Variants in CSMD2 observed in about 807,000 individuals in gnomAD.
CSMD2 encodes CUB and Sushi multiple domains 2.
In CSMD2, 130 loss-of-function variants were observed where a neutral mutation model predicts 398.5. The observed-to-expected ratio is 0.33, with a 90% CI of 0.28 to 0.38. The LOEUF (loss-of-function observed/expected upper bound fraction) is 0.38. Among genes scored for constraint, CSMD2 ranks in the 10% least tolerant of loss-of-function variants. CSMD2 has a pLI of 1.00. For synonymous variants in CSMD2, 1,828 were observed against 1,908.5 expected, an observed-to-expected ratio of 0.96 and a Z score of 1.10; for missense variants, 3,829 against 4,764.9, an observed-to-expected ratio of 0.80 and a Z score of 5.78.
In CSMD2 at chr1:33,518,591, T is replaced by C. The variant is rs1464568383; in HGVS notation, c.*53+874A>G. Among the ~76,000 whole-genome samples, 2 of 152,156 alleles carry C rather than the reference T, an allele frequency of 1.3e-5. No individual in the cohort carries two copies. The highest frequency in any genetic ancestry group is 2.9e-5 in the Non-Finnish European group (2 of 68,038). ...GGTATCTTTTTAGATAAAATTAACT[T>C]TGAAATCAGTAGACTTTGAGTCTCC... On this transcript the variant is annotated intron_variant, in intron 70 of 70. Transcript: ENST00000373381. The surrounding 1 kb of genome is among the most constrained non-coding windows in gnomAD (Gnocchi z 4.3).
intron 3 of CSMD2, among the ~76,000 whole-genome samples, chr1:34,030,416 G>C (rs1218740728): frequency 1.3e-5 from 2 of 152,204 alleles, no homozygotes; most frequent in Non-Finnish European, 2.9e-5. Flanking sequence ...GAATGGGCAT[G>C]GCTGTGTTCC....
intron 5 of CSMD2, among the ~76,000 whole-genome samples, chr1:33,888,174 T>A (rs907662104): frequency 6.6e-6 from 1 of 152,134 alleles, no homozygotes; most frequent in Non-Finnish European, 1.5e-5. Context: ...ACTGTAAAAA[T>A]TTTAATTCTC....
intron 6 of CSMD2, among the ~76,000 whole-genome samples, chr1:33,827,010 C>G (rs1268315482): frequency 6.6e-6 from 1 of 152,180 alleles, no homozygotes; most frequent in Non-Finnish European, 1.5e-5. Context: ...TTCTCAAACC[C>G]ACACACAATC....
intron 3 of CSMD2, among the ~76,000 whole-genome samples, chr1:34,008,643 C>A (rs1199338974): frequency 1.3e-5 from 2 of 152,214 alleles, no homozygotes. Context: ...CCTAAACACA[C>A]AGATGGGCAG....
intron 11 of CSMD2, among the ~76,000 whole-genome samples, chr1:33,791,793 C>T (rs1654349295): frequency 6.6e-6 from 1 of 152,182 alleles, no homozygotes. Context: ...TGGCCTTTTT[C>T]CTGGTTTTCA....
intron 3 of CSMD2, among the ~76,000 whole-genome samples, chr1:33,948,622 C>A (rs1250972029): frequency 6.6e-6 from 1 of 152,208 alleles, no homozygotes; most frequent in Non-Finnish European, 1.5e-5. Flanking sequence ...CAAGCCACGT[C>A]CATCTCAAGA....
chr1:33,807,254 G>A (rs558855268), intron 10 of CSMD2, among the ~76,000 whole-genome samples: 31 of 152,226 alleles, frequency 2.0e-4, no homozygotes, highest in Non-Finnish European at 3.8e-4. Context: ...AAGAACAAGG[G>A]TAAGCAGACA....
intron 2 of CSMD2, among the ~76,000 whole-genome samples, chr1:34,081,180 T>C (rs1261093623): frequency 6.6e-6 from 1 of 152,050 alleles, no homozygotes; most frequent in Non-Finnish European, 1.5e-5. Flanking sequence ...TTAAAAATCA[T>C]GCAAGAACAT....
At chr1:33,992,876 CAAA>C (rs199827617) in intron 3 of CSMD2, among the ~76,000 whole-genome samples, 2 of 61,840 alleles carry the variant, frequency 3.2e-5, no homozygotes, top group Non-Finnish European at 3.7e-5. Flanking sequence ...GACTCCATCT[CAAA>C]AAAAAAAAAA....
chr1:34,118,224 AAAG>A (rs1276338425), intron 1 of CSMD2, among the ~76,000 whole-genome samples: 2 of 152,162 alleles, frequency 1.3e-5, no homozygotes, highest in Non-Finnish European at 2.9e-5. Flanking sequence ...TCAAAATAAA[AAAG>A]AAGAAACACT....
chr1:33,760,916 G>C (rs1183332329), intron 13 of CSMD2, among the ~76,000 whole-genome samples: 5 of 152,058 alleles, frequency 3.3e-5, no homozygotes, highest in African/African-American at 4.8e-5. Flanking sequence ...AATCCAGCAA[G>C]ACCCCAGGCC....
intron 2 of CSMD2, among the ~76,000 whole-genome samples, chr1:34,085,284 G>C (rs1214384759): frequency 6.6e-6 from 1 of 152,058 alleles, no homozygotes; most frequent in East Asian, 1.9e-4. Flanking sequence ...AATGCTAAAT[G>C]ACGAGTTAAT....
chr1:34,077,785 A>G (rs188420234), intron 2 of CSMD2, among the ~76,000 whole-genome samples: 3 of 149,782 alleles, frequency 2.0e-5, no homozygotes, highest in African/African-American at 4.9e-5. Context: ...AGACTCCAAA[A>G]GGGAGGAGTT....
At chr1:33,988,998 ATC>A (rs1240573171) in intron 3 of CSMD2, among the ~76,000 whole-genome samples, 1 of 131,684 alleles carries the variant, frequency 7.6e-6, no homozygotes, top group Non-Finnish European at 1.6e-5. Flanking sequence ...ACAGGTAAAA[ATC>A]TCTCTCTCTC....
chr1:33,790,063 T>C (rs1410931115), intron 11 of CSMD2, among the ~76,000 whole-genome samples: 2 of 152,072 alleles, frequency 1.3e-5, no homozygotes, highest in Non-Finnish European at 2.9e-5. Flanking sequence ...TCAAAGCACA[T>C]TGGGATTGTG....
chr1:34,002,393 G>A (rs1646930649), intron 3 of CSMD2, among the ~76,000 whole-genome samples: 2 of 152,242 alleles, frequency 1.3e-5, no homozygotes, highest in South Asian at 4.1e-4. Flanking sequence ...ACAATGGCAG[G>A]GCCTAGTTCT....
intron 2 of CSMD2, among the ~76,000 whole-genome samples, chr1:34,042,257 T>C (rs1445864638): frequency 1.3e-5 from 2 of 152,218 alleles, no homozygotes; most frequent in Non-Finnish European, 2.9e-5. Context: ...TTTCTGAAAC[T>C]GTCTGGAGTA....
chr1:33,673,795 G>C (rs962610618), intron 25 of CSMD2, among the ~76,000 whole-genome samples: 7 of 152,168 alleles, frequency 4.6e-5, no homozygotes, highest in Admixed American at 2.0e-4. Context: ...GAAGAGAGTG[G>C]GGACCAATAT....
At chr1:33,810,948 A>G in intron 9 of CSMD2, 84 bp from the exon 10 acceptor site, 2 of 1,488,032 alleles carry the variant, frequency 1.3e-6, no homozygotes, top group South Asian at 1.2e-5. Context: ...CCCAGAAGAC[A>G]CTGCATCTGT....
Sources: gnomAD v4.1 joint callset for allele counts (sites outside exome capture counted in the v4.1 genomes callset) on GRCh38, gnomAD v4.1.1 for gene constraint, Gnocchi (gnomAD v3.1) non-coding constraint, MANE v1.5 for transcripts, NCBI Gene and HGNC (gene_info 2026-07-23, HGNC 2026-07-21) for gene names.